Variants in CDK12 observed in about 807,000 individuals in gnomAD.
CDK12 encodes cyclin dependent kinase 12.
A neutral mutation model predicts 133.8 loss-of-function variants in CDK12; 17 were observed. The ratio of observed to expected loss-of-function variants is 0.13; its 90% CI spans 0.09 to 0.19. The LOEUF (loss-of-function observed/expected upper bound fraction) is 0.19, where lower values mean the gene tolerates loss of function less well. CDK12 is among the 10% of genes least tolerant of loss of function. The pLI, the probability that CDK12 is intolerant of heterozygous loss-of-function variation, is 1.00. For synonymous variants in CDK12, 694 were observed against 683.6 expected (o/e 1.02, Z -0.24); for missense variants, 1,508 against 1,818.7 (o/e 0.83, Z 3.11).
chr17:39,515,838 C>G, intron 9 of CDK12, 30 bp downstream of exon 9: 1 of 1,452,476 alleles, frequency 6.9e-7, no homozygotes, highest in South Asian at 1.2e-5. Flanking sequence ...CTTGAGTGCC[C>G]AGGTGTGATA....
At chr17:39,486,880 C>T (rs1313505947) in intron 2 of CDK12, among the ~76,000 whole-genome samples, 3 of 151,950 alleles carry the variant, frequency 2.0e-5, no homozygotes, top group Admixed American at 6.6e-5. Context: ...TAGTGGCACA[C>T]GCCTGTAGTC....
At chr17:39,567,222 T>C (rs985800581), downstream of CDK12, 2 of 152,238 alleles carry the variant, frequency 1.3e-5, no homozygotes, top group Non-Finnish European at 2.9e-5. Flanking sequence ...TTCTCTGATG[T>C]CACTGCCAGT....
At position 39,462,102 on chromosome 17, in the gene CDK12, A is replaced by G. The variant is rs748073368; in HGVS notation, c.31A>G (p.Lys11Glu). The G allele has an allele frequency of 1.9e-6, 3 of 1,613,950 alleles. No homozygotes were observed. Among genetic ancestry groups the G allele is most frequent in the South Asian group, 2.2e-5 (2 of 91,070 alleles). Residue 11 changes from lysine (K) to glutamate (E), a missense_variant, in exon 1 of 14, where the codon AAG becomes GAG. Lys to Glu is a moderately conservative substitution (Grantham distance 56). Coordinates refer to ENST00000447079, the MANE Select transcript of CDK12 (RefSeq NM_016507.4). ...CAATTCAGAGAGACATGGGGGCAAG[A>G]AGGACGGGAGTGGAGGAGCTTCTGG... MPNSERHGGK[K>E]DGSGGASGTL...
Position 39,533,405 on chromosome 17 carries a change from G to A in CDK12, c.*2089G>A. 1 of 233,024 alleles carries A rather than the reference G, an allele frequency of 4.3e-6. No individual in the cohort carries two copies. The highest frequency in any genetic ancestry group is 6.0e-5 in the East Asian group (1 of 16,672). 14.4% of individuals were successfully genotyped at this position (233,024 alleles called of 1,614,324 possible). A position where few individuals can be genotyped will look rare whatever the true frequency, so the allele number is the denominator to read the frequency against. On this transcript the variant is annotated 3_prime_UTR_variant, in exon 14 of 14. Coordinates refer to ENST00000447079, the MANE Select transcript of CDK12 (RefSeq NM_016507.4). ...CTCAGACATGGGCCTTTGTGTTTTA[G>A]AATATTTGAATTTGAGTTATTGGGC...
intron 8 of CDK12, among the ~76,000 whole-genome samples, chr17:39,514,981 TC>T (rs1249791925): frequency 1.3e-5 from 2 of 152,046 alleles, no homozygotes; most frequent in African/African-American, 4.8e-5. Flanking sequence ...TAGTATATAC[TC>T]CCCCCACTCT....
At chr17:39,507,514 A>G (rs1385465525) in intron 6 of CDK12, among the ~76,000 whole-genome samples, 2 of 152,010 alleles carry the variant, frequency 1.3e-5, no homozygotes, top group Non-Finnish European at 2.9e-5. Context: ...AGATAGCGCC[A>G]TCGCACTCCA....
chr17:39,508,028 G>A (rs1229387220), intron 6 of CDK12, among the ~76,000 whole-genome samples: 2 of 152,066 alleles, frequency 1.3e-5, no homozygotes, highest in Admixed American at 6.6e-5. Flanking sequence ...TACATGTTGA[G>A]TATCCCCTGT....
chr17:39,520,216 G>T (rs2054079734), intron 11 of CDK12, 129 bp downstream of exon 11: 5 of 956,400 alleles, frequency 5.2e-6, no homozygotes, highest in East Asian at 2.5e-5. Context: ...TTATGGTTGA[G>T]GTTTGTTTTT....
downstream of CDK12, among the ~76,000 whole-genome samples, chr17:39,565,092 C>T (rs1365991372): frequency 6.6e-6 from 1 of 151,804 alleles, no homozygotes; most frequent in Non-Finnish European, 1.5e-5. Flanking sequence ...AGTCTATGTC[C>T]CTCTCATATT....
chr17:39,493,174 T>TTG lies in CDK12; in HGVS notation c.2248+285_2248+286insGT, dbSNP rs199918472. On this transcript the variant is annotated intron_variant, in intron 4 of 13. Coordinates refer to ENST00000447079, the MANE Select transcript of CDK12 (RefSeq NM_016507.4). ...ACACTCGACTAATTTTTGTTTTTTTTTTTTTTTTAGTAGAAACAGGGTTCC... is the reference window on the plus strand; with the variant it reads ...ACACTCGACTAATTTTTGTTTTTTTTTGTTTTTTTTAGTAGAAACAGGGTTCC... 0.01 allele frequency among the ~76,000 whole-genome samples: 1,566 copies of TTG among 150,878 alleles called. 97 individuals carry two copies. In the East Asian group the frequency reaches 0.16, roughly 15 times the overall value.
At chr17:39,519,827 C>A (rs537446359) in intron 10 of CDK12, 129 bp from the exon 11 acceptor site, 785 of 850,124 alleles carry the variant, frequency 9.2e-4, no homozygotes, top group Non-Finnish European at 1.1e-3. Context: ...AAACTTCTGG[C>A]CTCACGCAGT....
At position 39,526,166 on chromosome 17, in the gene CDK12, G is replaced by A. The variant is rs1567783948; in HGVS notation, c.3610G>A (p.Ala1204Thr). The A allele has an allele frequency of 6.2e-7, 1 of 1,614,186 alleles. No individual in the cohort carries two copies. The highest frequency in any genetic ancestry group is 1.1e-5 in the South Asian group (1 of 91,080). ...GACCCTTGAAGCTTCAAGCACACCA[G>A]CTGACATGCAGAATATATTGGCAGT... Reference protein sequence around the residue: ...QTTLEASSTPADMQNILAVLL... With the variant: ...QTTLEASSTPTDMQNILAVLL... Residue 1204 changes from alanine to threonine, a missense_variant, in exon 13 of 14, where the codon GCT (alanine) becomes ACT (threonine). Around this residue, in one of 9 missense-constraint regions of CDK12, gnomAD observed 399 missense variants for 469.6 expected, o/e 0.85. Coordinates refer to ENST00000447079, the MANE Select transcript of CDK12 (RefSeq NM_016507.4).
intron 1 of CDK12, among the ~76,000 whole-genome samples, chr17:39,467,933 A>T (rs2049472402): frequency 6.6e-6 from 1 of 151,098 alleles, no homozygotes; most frequent in Non-Finnish European, 1.5e-5. Flanking sequence ...TCTCTCTGTC[A>T]CCCAGGCTGG....
At position 39,511,603 on chromosome 17, in the gene CDK12, C is replaced by G. The variant is rs745995091; in HGVS notation, c.2741C>G (p.Thr914Arg). ...PELLLGEERYTPAIDVWSCGC... is the reference protein window; with the variant it reads ...PELLLGEERYRPAIDVWSCGC... ...CTACTGCTAGGAGAGGAACGTTACA[C>G]ACCAGCCATAGATGTTTGGAGCTGT... Residue 914 changes from threonine (T) to arginine (R), a missense_variant, in exon 8 of 14, where the codon ACA becomes AGA. Thr to Arg is a moderately conservative substitution (Grantham distance 71). This residue lies in a region of CDK12 where 82 missense variants were observed against 201.5 expected (regional missense o/e 0.41). Coordinates refer to ENST00000447079, the MANE Select transcript of CDK12 (RefSeq NM_016507.4). 6.2e-7 allele frequency: 1 copy of G among 1,612,116 alleles called. No individual in the cohort carries two copies. Among genetic ancestry groups the G allele is most frequent in the Non-Finnish European group, 8.5e-7 (1 of 1,178,466 alleles).
chr17:39,464,282 A>C (rs1293441605), intron 1 of CDK12, among the ~76,000 whole-genome samples: 1 of 151,604 alleles, frequency 6.6e-6, no homozygotes, highest in East Asian at 1.9e-4. Flanking sequence ...GTGCAGTGGC[A>C]TCATCTTGGC....
Position 39,480,330 on chromosome 17 carries a change from C to T in CDK12, c.1931+8567C>T, listed in dbSNP as rs146727177. ...CCAGGCTGGAGTGCAGTGGCGTGAT[C>T]TTGGCTCACTGTAACCTCCATCTCC... On this transcript the variant is annotated intron_variant, in intron 2 of 13. Transcript: ENST00000447079. 2.7e-3 allele frequency among the ~76,000 whole-genome samples: 412 copies of T among 150,626 alleles called. 1 individual carries two copies. The highest frequency in any genetic ancestry group is 9.4e-3 in the African/African-American group (384 of 41,002).
upstream of CDK12, among the ~76,000 whole-genome samples, chr17:39,544,767 G>A (rs968855098): frequency 2.6e-5 from 4 of 151,668 alleles, no homozygotes; most frequent in African/African-American, 9.7e-5. Context: ...AGTAGCTGCG[G>A]TTACAGGCAT....
chr17:39,539,181 A>G (rs1351331828), downstream of CDK12, among the ~76,000 whole-genome samples: 2 of 152,234 alleles, frequency 1.3e-5, no homozygotes, highest in African/African-American at 4.8e-5. Context: ...GATAGGGACC[A>G]AGATTACTCT....
chr17:39,478,694 A>G (rs1279746090), intron 2 of CDK12, among the ~76,000 whole-genome samples: 1 of 152,054 alleles, frequency 6.6e-6, no homozygotes, highest in Non-Finnish European at 1.5e-5. Flanking sequence ...GCATGATAGC[A>G]TGCACCTGTG....
Sources: allele counts gnomAD v4.1 joint callset (sites outside exome capture counted in the v4.1 genomes callset), GRCh38; gene constraint gnomAD v4.1.1; regional missense constraint gnomAD v4.1.1; transcripts MANE v1.5; gene names NCBI Gene and HGNC (gene_info 2026-07-23, HGNC 2026-07-21).